GAN: variants seen among roughly 807,000 people sequenced by gnomAD.
The protein encoded by GAN is epididymis secretory sperm binding protein.
In GAN, 48 loss-of-function variants were observed where a neutral mutation model predicts 71.3. The observed-to-expected ratio is 0.67, with a 90% confidence interval of 0.53 to 0.86. The LOEUF (loss-of-function observed/expected upper bound fraction) is 0.86, where lower values mean the gene tolerates loss of function less well. Ranked by LOEUF, GAN falls within the 40% of genes least tolerant of loss-of-function variation. GAN has a pLI of 0.00. For missense variants in GAN, 928 were observed against 770.1 expected (o/e 1.21, Z -2.43); for synonymous variants, 386 against 276.8 (o/e 1.39, Z -3.92).
rs139698325 is a variant in GAN at position 81,383,050 on chromosome 16, A to G, written c.*5454A>G. On this transcript the variant is annotated 3_prime_UTR_variant, in exon 11 of 11. Coordinates refer to ENST00000648994, the MANE Select transcript of GAN (RefSeq NM_022041.4). ...GCTGATCTTAAACTCCTGGCCTCAG[A>G]TGTGGAGACCCAGCTGGGACTACAG... 1 of 151,966 alleles carries G rather than the reference A, an allele frequency of 6.6e-6. No homozygotes were observed. The highest frequency in any genetic ancestry group is 2.4e-5 in the African/African-American group (1 of 41,396). 9.4% of individuals were successfully genotyped at this position (151,966 alleles called of 1,614,324 possible). A position where few individuals can be genotyped will look rare whatever the true frequency, so the allele number is the denominator to read the frequency against.
intron 1 of GAN, among the ~76,000 whole-genome samples, chr16:81,321,535 T>G (rs757008864): frequency 2.0e-5 from 3 of 152,236 alleles, no homozygotes; most frequent in African/African-American, 7.2e-5. Flanking sequence ...TTGGATGATA[T>G]AGAGTAAGCA....
chr16:81,379,740 G>T lies in GAN; in HGVS notation c.*2144G>T, dbSNP rs187463352. On this transcript the variant is annotated 3_prime_UTR_variant, in exon 11 of 11. Coordinates refer to ENST00000648994, the MANE Select transcript of GAN (RefSeq NM_022041.4). ...ACATTAAAACAGTAACTGACATCCA[G>T]TTAAAGCCACGATCGTCAGCAATTC... The T allele has an allele frequency of 7.6e-4, 116 of 152,294 alleles. No homozygotes were observed. The highest frequency in any genetic ancestry group is 2.7e-3 in the African/African-American group (113 of 41,570). 9.4% of individuals were successfully genotyped at this position (152,294 alleles called of 1,614,324 possible). A position where few individuals can be genotyped will look rare whatever the true frequency, so the allele number is the denominator to read the frequency against.
rs1479971410 is a variant in GAN, at chr16:81,365,004, A to C, written c.1267A>C (p.Ile423Leu). 6.2e-7 allele frequency: 1 copy of C among 1,613,892 alleles called. No individual in the cohort carries two copies. The highest frequency in any genetic ancestry group is 1.3e-5 in the African/African-American group (1 of 74,892). The change falls in exon 8 of 11, where the codon ATC becomes CTC. Residue 423 changes from isoleucine to leucine, a missense_variant. Ile to Leu is a conservative substitution (Grantham distance 5, BLOSUM62 2). Coordinates refer to ENST00000648994, the MANE Select transcript of GAN (RefSeq NM_022041.4). ...IGCYAAMKKK[I>L]YAMGGGSYGK... ...CTGCTATGCAGCTATGAAAAAGAAA[A>C]TCTACGCCATGGGTGGAGGCTCCTA...
chr16:81,366,780 A>G (rs1470685349), intron 9 of GAN, among the ~76,000 whole-genome samples: 5 of 152,102 alleles, frequency 3.3e-5, no homozygotes, highest in Non-Finnish European at 7.4e-5. Flanking sequence ...TCCTTCCTTG[A>G]TACATGACTG....
rs1910540702 is a variant in GAN, at chr16:81,357,816, G to A, written c.858G>A (p.Arg286=). 6.2e-7 allele frequency: 1 copy of A among 1,613,524 alleles called. No homozygotes were observed. Among genetic ancestry groups the A allele is most frequent in the African/African-American group, 1.3e-5 (1 of 74,902 alleles). ...CACTTATTTACTTCCTTAGTTCACGGAAACCCACAGCAGCGATGCGATGCA... is the reference window on the plus strand; with the variant it reads ...CACTTATTTACTTCCTTAGTTCACGAAAACCCACAGCAGCGATGCGATGCA... The part of the protein sequence containing the change: ...VTVGGEERVS[R]KPTAAMRCMC... The change falls in exon 5 of 11, where the codon CGG becomes CGA. Residue 286 remains arginine, a synonymous_variant. Transcript: ENST00000648994.
At chr16:81,354,303 T>C (rs1190956911) in intron 2 of GAN, 102 bp from the exon 3 acceptor site, 13 of 805,586 alleles carry the variant, frequency 1.6e-5, no homozygotes, top group Non-Finnish European at 2.3e-5. Context: ...TTATCTTTGA[T>C]CTAAAATAAA....
intron 1 of GAN, among the ~76,000 whole-genome samples, chr16:81,334,170 T>C (rs1334993441): frequency 6.6e-6 from 1 of 152,188 alleles, no homozygotes; most frequent in Non-Finnish European, 1.5e-5. Flanking sequence ...TACAAAATGC[T>C]ACATTATATT....
rs573079699 is a variant in GAN, at chr16:81,379,281, A to G, written c.*1685A>G. On this transcript the variant is annotated 3_prime_UTR_variant, in exon 11 of 11. Transcript: ENST00000648994. ...CTTATACCTGCTGGAAGTCAGTACAATGCGTCAAAAGTTGCTGAAAGATGC... is the reference window on the plus strand; with the variant it reads ...CTTATACCTGCTGGAAGTCAGTACAGTGCGTCAAAAGTTGCTGAAAGATGC... The G allele has an allele frequency of 6.6e-6, 1 of 152,192 alleles. No individual in the cohort carries two copies. Among genetic ancestry groups the G allele is most frequent in the African/African-American group, 2.4e-5 (1 of 41,446 alleles). The allele number at this position is 152,192 out of a possible 1,614,324, so 9.4% of individuals were successfully genotyped here.
chr16:81,331,144 G>A (rs1416593139), intron 1 of GAN, among the ~76,000 whole-genome samples: 2 of 152,236 alleles, frequency 1.3e-5, no homozygotes, highest in African/African-American at 4.8e-5. Flanking sequence ...GTTTGAGGCT[G>A]CAGTGATCTG....
At position 81,354,575 on chromosome 16, in the gene GAN, C is replaced by T. The variant is rs762452364; in HGVS notation, c.453C>T (p.Tyr151=). ...ALHYCLHHVH[Y]LATEYLETHF... is the part of the protein sequence containing the mutation. ...ATTACTGCCTCCATCACGTTCATTACCTTGCCACAGAATACCTGGAGACTC... is the reference window on the plus strand; with the variant it reads ...ATTACTGCCTCCATCACGTTCATTATCTTGCCACAGAATACCTGGAGACTC... The change falls in exon 3 of 11, where the codon TAC becomes TAT. Residue 151 remains tyrosine (Y), a synonymous_variant. Coordinates refer to ENST00000648994, the MANE Select transcript of GAN (RefSeq NM_022041.4). The T allele has an allele frequency of 8.1e-6, 13 of 1,614,042 alleles. No homozygotes were observed. Among genetic ancestry groups the T allele is most frequent in the African/African-American group, 1.3e-5 (1 of 74,926 alleles).
At chr16:81,372,677 A>G (rs891451623) in intron 9 of GAN, among the ~76,000 whole-genome samples, 4 of 152,250 alleles carry the variant, frequency 2.6e-5, no homozygotes, top group Non-Finnish European at 5.9e-5. Context: ...TCTTAGGTTA[A>G]TACAGTCATT....
chr16:81,354,126 C>T (rs779900137), intron 2 of GAN, among the ~76,000 whole-genome samples: 1 of 151,900 alleles, frequency 6.6e-6, no homozygotes, highest in African/African-American at 2.4e-5. Flanking sequence ...AAGTGAACAA[C>T]ATGGACAGTT....
In GAN at chr16:81,379,768, C is replaced by G. The variant is rs1246864829; in HGVS notation, c.*2172C>G. ...AAAGCCACGATCGTCAGCAATTCTC[C>G]TTTTTTAATTTCTGATATTTAAAGT... On this transcript the variant is annotated 3_prime_UTR_variant, in exon 11 of 11. Coordinates refer to ENST00000648994, the MANE Select transcript of GAN (RefSeq NM_022041.4). 1 of 152,128 alleles carries G rather than the reference C, an allele frequency of 6.6e-6. No individual in the cohort carries two copies. Among genetic ancestry groups the G allele is most frequent in the Non-Finnish European group, 1.5e-5 (1 of 68,032 alleles). The allele number at this position is 152,128 out of a possible 1,614,324, so 9.4% of individuals were successfully genotyped here.
At chr16:81,368,895 C>G (rs978850193) in intron 9 of GAN, among the ~76,000 whole-genome samples, 3 of 152,164 alleles carry the variant, frequency 2.0e-5, no homozygotes, top group Non-Finnish European at 4.4e-5. Context: ...TCTCAGAATT[C>G]TTGACTGTTT....
intron 9 of GAN, among the ~76,000 whole-genome samples, chr16:81,375,881 G>A (rs953000326): frequency 1.7e-4 from 25 of 150,806 alleles, no homozygotes; most frequent in Non-Finnish European, 3.5e-4. Flanking sequence ...GGGGTGAGAG[G>A]ATCACTAGAG....
rs771428896 is a variant in GAN at position 81,356,751 on chromosome 16, T to G, written c.634-34T>G. 7.9e-6 allele frequency: 11 copies of G among 1,395,710 alleles called. No homozygotes were observed. The African/African-American group carries it at 1.6e-4, about 20-fold the overall frequency. The allele number at this position is 1,395,710 out of a possible 1,614,324, so 86.5% of individuals were successfully genotyped here. On this transcript the variant is annotated intron_variant, in intron 3 of 10. Transcript: ENST00000648994. The stretch of plus-strand genomic sequence containing the variant: ...AAAAATGATGTGTTGCATTTTCCAT[T>G]GTTTTCGCCCCATCTTTCTTCCCTC...
At chr16:81,320,494 A>T (rs1315455480) in intron 1 of GAN, among the ~76,000 whole-genome samples, 1 of 152,234 alleles carries the variant, frequency 6.6e-6, no homozygotes, top group African/African-American at 2.4e-5. Flanking sequence ...CTGTGAAGCA[A>T]AGTGATTTCA....
intron 4 of GAN, among the ~76,000 whole-genome samples, chr16:81,357,298 T>C (rs534332949): frequency 1.3e-5 from 2 of 152,292 alleles, no homozygotes; most frequent in East Asian, 3.9e-4. Context: ...GATGTTCCCC[T>C]TCCTGTGTCC....
intron 1 of GAN, among the ~76,000 whole-genome samples, chr16:81,322,210 A>G (rs767713844): frequency 6.6e-6 from 1 of 152,238 alleles, no homozygotes; most frequent in Non-Finnish European, 1.5e-5. Flanking sequence ...GCCATTTGCT[A>G]TTATAGTGAA....
Sources: allele counts gnomAD v4.1 joint callset (sites outside exome capture counted in the v4.1 genomes callset), GRCh38; gene constraint gnomAD v4.1.1; transcripts MANE v1.5; gene names NCBI Gene and HGNC (gene_info 2026-07-23, HGNC 2026-07-21).